The following PAWR variants were observed in gnomAD, a reference collection of about 807,000 sequenced individuals.
PAWR encodes the protein pro-apoptotic WT1 regulator, also known as PRKC apoptosis WT1 regulator protein.
In PAWR, 23 loss-of-function variants were observed where a neutral mutation model predicts 32.0. The ratio of observed to expected loss-of-function variants is 0.72; its 90% CI spans 0.52 to 1.02. The LOEUF is 1.02. Among genes scored for constraint, PAWR ranks in the 50% least tolerant of loss-of-function variants. The pLI is 0.00. For missense variants in PAWR, 457 were observed against 437.7 expected (o/e 1.04, Z -0.39); for synonymous variants, 226 against 187.1 (o/e 1.21, Z -1.70).
chr12:79,592,755 C>T (rs577410083), intron 6 of PAWR, 62 bp from the exon 7 acceptor site: 4 of 639,558 alleles, frequency 6.3e-6, no homozygotes, highest in Admixed American at 3.0e-5. Flanking sequence ...GATGAAAACA[C>T]TTAATACACA....
intron 2 of PAWR, among the ~76,000 whole-genome samples, chr12:79,633,405 G>A (rs952190352): frequency 3.3e-5 from 5 of 152,122 alleles, no homozygotes; most frequent in African/African-American, 9.7e-5. Context: ...CATGTCATTA[G>A]GGAAATGCAA....
At chr12:79,662,104 T>C (rs1045446622) in intron 2 of PAWR, among the ~76,000 whole-genome samples, 3 of 150,926 alleles carry the variant, frequency 2.0e-5, no homozygotes, top group African/African-American at 7.3e-5. Flanking sequence ...CACAGTGGCA[T>C]GTGCCTGTGG....
intron 2 of PAWR, among the ~76,000 whole-genome samples, chr12:79,665,861 A>G (rs1355132987): frequency 6.6e-6 from 1 of 152,186 alleles, no homozygotes; most frequent in African/African-American, 2.4e-5. Context: ...CCCGTAACAG[A>G]GCCTGATTTT....
chr12:79,595,005 C>T (rs1328855102), intron 5 of PAWR, among the ~76,000 whole-genome samples: 1 of 152,200 alleles, frequency 6.6e-6, no homozygotes, highest in East Asian at 1.9e-4. Flanking sequence ...GCGTGAGCCA[C>T]TGTGCCCGGC....
intron 2 of PAWR, among the ~76,000 whole-genome samples, chr12:79,644,059 T>C (rs1876458802): frequency 6.6e-6 from 1 of 152,180 alleles, no homozygotes; most frequent in Non-Finnish European, 1.5e-5. Context: ...ATCAGTTGTT[T>C]AGAAGGGAAA....
At chr12:79,604,157 A>G in intron 4 of PAWR, 4 of 818,848 alleles carry the variant, frequency 4.9e-6, no homozygotes, top group Non-Finnish European at 5.9e-6. Flanking sequence ...ACTCAGAATA[A>G]AAGATTGTTC....
intron 4 of PAWR, among the ~76,000 whole-genome samples, chr12:79,608,263 G>A (rs1312717217): frequency 6.6e-6 from 1 of 152,112 alleles, no homozygotes; most frequent in African/African-American, 2.4e-5. Flanking sequence ...TTTGGCAACA[G>A]GGAACAGTTT....
At position 79,690,068 on chromosome 12, in the gene PAWR, G is replaced by A. The variant is rs1337345467; in HGVS notation, c.177C>T (p.Gly59=). 29 of 1,401,528 alleles carry A rather than the reference G, an allele frequency of 2.1e-5. No individual in the cohort carries two copies. In the South Asian group the frequency reaches 2.3e-4, roughly 11 times the overall value. 86.8% of individuals were successfully genotyped at this position (1,401,528 alleles called of 1,614,324 possible). A position where few individuals can be genotyped will look rare whatever the true frequency, so the allele number is the denominator to read the frequency against. ...AAGKPPAGAL[G]TPAAAAANEL... is the part of the protein sequence containing the mutation. ...CGTTGGCAGCGGCGGCCGCCGGGGT[G>A]CCCAGAGCCCCCGCGGGGGGCTTCC... Residue 59 remains glycine, a synonymous_variant, in exon 2 of 7, where the codon GGC becomes GGT. Coordinates refer to ENST00000328827, the MANE Select transcript of PAWR (RefSeq NM_002583.4).
chr12:79,612,749 C>T (rs1262404258), intron 4 of PAWR, among the ~76,000 whole-genome samples: 1 of 152,130 alleles, frequency 6.6e-6, no homozygotes, highest in African/African-American at 2.4e-5. Context: ...GCAAGTATGA[C>T]CACATGCTTC....
chr12:79,644,937 T>C (rs1876498725), intron 2 of PAWR, among the ~76,000 whole-genome samples: 1 of 151,912 alleles, frequency 6.6e-6, no homozygotes, highest in South Asian at 2.1e-4. Flanking sequence ...ACAGTCCAGT[T>C]TCAAAATTAG....
At chr12:79,626,837 G>A (rs1015902320) in intron 2 of PAWR, among the ~76,000 whole-genome samples, 1 of 151,956 alleles carries the variant, frequency 6.6e-6, no homozygotes, top group Non-Finnish European at 1.5e-5. Flanking sequence ...GGAACATGCG[G>A]TGTTTGGTTT....
In PAWR at chr12:79,631,115, T is replaced by C. The variant is rs542212768; in HGVS notation, c.517-9908A>G. ...AGCATGACACAAACATAAACCCTCA[T>C]GCCAATAAAACCCACAAAAAAATTC... On this transcript the variant is annotated intron_variant, in intron 2 of 6. Coordinates refer to ENST00000328827, the MANE Select transcript of PAWR (RefSeq NM_002583.4). Among the ~76,000 whole-genome samples the C allele has an allele frequency of 3.9e-5, 6 of 152,186 alleles. 1 individual carries two copies. The highest frequency in any genetic ancestry group is 1.4e-4 in the African/African-American group (6 of 41,546).
At chr12:79,677,984 C>T (rs1426620670) in intron 2 of PAWR, among the ~76,000 whole-genome samples, 1 of 152,160 alleles carries the variant, frequency 6.6e-6, no homozygotes, top group East Asian at 1.9e-4. Flanking sequence ...TCCATCTGCC[C>T]TCTACCCCCA....
intron 2 of PAWR, among the ~76,000 whole-genome samples, chr12:79,644,155 CG>C (rs1256022084): frequency 2.6e-5 from 4 of 152,054 alleles, no homozygotes; most frequent in African/African-American, 9.7e-5. Context: ...GCCAAAATCC[CG>C]TATCATTGGG....
At position 79,690,214 on chromosome 12, in the gene PAWR, C is replaced by T. The variant is rs549760547; in HGVS notation, c.31G>A (p.Gly11Ser). The T allele has an allele frequency of 2.0e-6, 3 of 1,525,464 alleles. No homozygotes were observed. The highest frequency in any genetic ancestry group is 2.7e-5 in the East Asian group (1 of 37,690). 94.5% of individuals were successfully genotyped at this position (1,525,464 alleles called of 1,614,324 possible). MATGGYRTSS[G>S]LGGSTTDFLE... ...AAGTCTGTGGTGCTGCCGCCGAGGC[C>T]GCTGCTGGTCCGGTAGCCACCGGTC... Residue 11 changes from glycine to serine, a missense_variant, in exon 2 of 7, where the codon GGC becomes AGC. Physicochemically the swap from Gly to Ser is moderately conservative, Grantham distance 56. Coordinates refer to ENST00000328827, the MANE Select transcript of PAWR (RefSeq NM_002583.4).
intron 4 of PAWR, among the ~76,000 whole-genome samples, chr12:79,607,739 A>T (rs111351761): frequency 0.2 from 29,079 of 146,478 alleles, 7,438 homozygotes; most frequent in African/African-American, 0.59. Flanking sequence ...AAAAAAAAAA[A>T]AAAAAATAAT....
chr12:79,589,415 T>C lies in PAWR; in HGVS notation c.*3192A>G, dbSNP rs1873481251. On this transcript the variant is annotated 3_prime_UTR_variant, in exon 7 of 7. Transcript: ENST00000328827. ...AAACACAAACCACATGTAACCGAGGTAGGTTTTTCACCTTAAGAATACATT... is the reference window on the plus strand; with the variant it reads ...AAACACAAACCACATGTAACCGAGGCAGGTTTTTCACCTTAAGAATACATT... 6.6e-6 allele frequency: 1 copy of C among 151,906 alleles called. No homozygotes were observed. Among genetic ancestry groups the C allele is most frequent in the Non-Finnish European group, 1.5e-5 (1 of 67,950 alleles). The allele number at this position is 151,906 out of a possible 1,614,324, so 9.4% of individuals were successfully genotyped here. A position where few individuals can be genotyped will look rare whatever the true frequency, so the allele number is the denominator to read the frequency against.
rs1036248638 is a variant in PAWR at position 79,586,089 on chromosome 12, G to A, written c.*6518C>T. 2.6e-5 allele frequency: 4 copies of A among 152,094 alleles called. No individual in the cohort carries two copies. The highest frequency in any genetic ancestry group is 2.0e-4 in the Admixed American group (3 of 15,268). The allele number at this position is 152,094 out of a possible 1,614,324, so 9.4% of individuals were successfully genotyped here. Reference sequence around the variant, plus strand: ...TTAAATAAGTTAATATGAACAGACTGACATAATTTTACTTTAATGATGTTG... The same window carrying A: ...TTAAATAAGTTAATATGAACAGACTAACATAATTTTACTTTAATGATGTTG... On this transcript the variant is annotated 3_prime_UTR_variant, in exon 7 of 7. Coordinates refer to ENST00000328827, the MANE Select transcript of PAWR (RefSeq NM_002583.4).
chr12:79,629,733 T>C (rs372133941), intron 2 of PAWR, among the ~76,000 whole-genome samples: 8 of 152,142 alleles, frequency 5.3e-5, no homozygotes, highest in African/African-American at 1.9e-4. Context: ...CAGAACATAT[T>C]GTGGAACATA....
Sources: allele counts gnomAD v4.1 joint callset (sites outside exome capture counted in the v4.1 genomes callset), GRCh38; gene constraint gnomAD v4.1.1; transcripts MANE v1.5; gene names NCBI Gene and HGNC (gene_info 2026-07-23, HGNC 2026-07-21).